Variants in TTC23 observed in about 807,000 individuals in gnomAD.
The protein encoded by TTC23 is tetratricopeptide repeat protein 23.
In TTC23, 58 loss-of-function variants were observed where a neutral mutation model predicts 55.1. The observed-to-expected ratio is 1.05, with a 90% CI of 0.85 to 1.31. The LOEUF (loss-of-function observed/expected upper bound fraction) is 1.31, where lower values mean the gene tolerates loss of function less well. Ranked by LOEUF, TTC23 falls within the 50% of genes most tolerant of loss-of-function variation. The pLI is 0.00. For missense variants in TTC23, 516 were observed against 534.4 expected, an observed-to-expected ratio of 0.97 and a Z score of 0.34; for synonymous variants, 203 against 199.9, an observed-to-expected ratio of 1.02 and a Z score of -0.13.
chr15:99,142,865 G>A lies in TTC23; in HGVS notation c.1144-3466C>T, dbSNP rs552601144. Among the ~76,000 whole-genome samples, 6 of 152,320 alleles carry A rather than the reference G, an allele frequency of 3.9e-5. No individual in the cohort carries two copies. The South Asian group carries it at 1.2e-3, about 32-fold the overall frequency. Reference sequence around the variant, plus strand: ...AGAGAAGAGTGGAGTTAGGAGAGAAGATTCTGGTTGGGTCAAGAGATCCTT... The same window carrying A: ...AGAGAAGAGTGGAGTTAGGAGAGAAAATTCTGGTTGGGTCAAGAGATCCTT... On this transcript the variant is annotated intron_variant, in intron 12 of 13. Transcript: ENST00000394132.
At chr15:99,174,732 T>A (rs1369683712) in intron 10 of TTC23, among the ~76,000 whole-genome samples, 1 of 151,566 alleles carries the variant, frequency 6.6e-6, no homozygotes, top group African/African-American at 2.4e-5. Context: ...TCTTTAAAAA[T>A]AGATCACCTT....
At position 99,218,853 on chromosome 15, in the gene TTC23, C is replaced by T. The variant is rs369938828; in HGVS notation, c.455+45G>A. The T allele has an allele frequency of 1.1e-5, 17 of 1,600,682 alleles. No homozygotes were observed. The African/African-American group carries it at 1.3e-4, about 13-fold the overall frequency. The stretch of plus-strand genomic sequence containing the variant: ...CTTTTTACTTGGCGTGTAAGTGTTA[C>T]GTGAATAGTATTTCTATTTGTAAAA... On this transcript the variant is annotated intron_variant, in intron 7 of 13. Coordinates refer to ENST00000394132, the MANE Select transcript of TTC23 (RefSeq NM_001288615.3).
chr15:99,186,688 A>G (rs1248947094), intron 9 of TTC23, among the ~76,000 whole-genome samples: 1 of 152,168 alleles, frequency 6.6e-6, no homozygotes, highest in Non-Finnish European at 1.5e-5. Flanking sequence ...GAAATTTTAA[A>G]AACTTCCATT....
chr15:99,232,871 A>C (rs2079038583), intron 4 of TTC23, among the ~76,000 whole-genome samples: 1 of 152,234 alleles, frequency 6.6e-6, no homozygotes, highest in South Asian at 2.1e-4. Context: ...AATGATCAAG[A>C]TACGGTGTTA....
chr15:99,198,497 A>C (rs2075929522), intron 9 of TTC23, among the ~76,000 whole-genome samples: 1 of 152,190 alleles, frequency 6.6e-6, no homozygotes, highest in Non-Finnish European at 1.5e-5. Flanking sequence ...AGCTTTGGCT[A>C]CCTCAATAGC....
intron 9 of TTC23, among the ~76,000 whole-genome samples, chr15:99,186,652 T>A (rs1045370632): frequency 6.6e-6 from 1 of 152,122 alleles, no homozygotes; most frequent in Non-Finnish European, 1.5e-5. Context: ...AAATCATATA[T>A]TTCTATACAT....
Position 99,138,114 on chromosome 15 carries a change from C to T in TTC23, c.1240G>A (p.Ala414Thr), listed in dbSNP as rs782068752. ...MGMLSTAPKV[A>T]SKPRQASKAK... ...TTTGATGCCTGCCTTGGCTTCGAAG[C>T]AACCTTGGGGGCCCTGCAGACAAGC... The change falls in exon 14 of 14, where the codon GCT becomes ACT. Residue 414 changes from alanine to threonine, a missense_variant. By Grantham distance (58) the Ala-to-Thr change is moderately conservative. Transcript: ENST00000394132. 45 of 1,612,628 alleles carry T rather than the reference C, an allele frequency of 2.8e-5. No homozygotes were observed. The highest frequency in any genetic ancestry group is 2.1e-4 in the African/African-American group (16 of 74,876).
chr15:99,244,778 C>A (rs1170481019), intron 2 of TTC23, among the ~76,000 whole-genome samples: 2 of 151,876 alleles, frequency 1.3e-5, no homozygotes, highest in Non-Finnish European at 2.9e-5. Flanking sequence ...ACAAGTTGAT[C>A]CTTATTATGG....
intron 2 of TTC23, among the ~76,000 whole-genome samples, 155 bp from the exon 3 acceptor site, chr15:99,241,714 G>A (rs1250429770): frequency 6.6e-6 from 1 of 152,204 alleles, no homozygotes; most frequent in Non-Finnish European, 1.5e-5. Context: ...TGCCAACTAG[G>A]CTGGAGCTCA....
chr15:99,239,330 C>T lies in TTC23; in HGVS notation c.-114+2035G>A, dbSNP rs1283617577. Among the ~76,000 whole-genome samples the T allele has an allele frequency of 2.6e-5, 4 of 151,922 alleles. No homozygotes were observed. In the South Asian group the frequency reaches 6.2e-4, roughly 24 times the overall value. On this transcript the variant is annotated intron_variant, in intron 3 of 13. Transcript: ENST00000394132. The stretch of plus-strand genomic sequence containing the variant: ...TGAAAACCCATCTCTACTAAAAATA[C>T]AAAAATTAGCCCAGTGTGGTGGCAT...
At chr15:99,174,506 G>A (rs927983205) in intron 10 of TTC23, among the ~76,000 whole-genome samples, 2 of 151,094 alleles carry the variant, frequency 1.3e-5, no homozygotes, top group African/African-American at 2.4e-5. Context: ...TTCTGCCAAC[G>A]GAGGCACATT....
At chr15:99,169,010 C>A (rs2072544604) in intron 10 of TTC23, among the ~76,000 whole-genome samples, 1 of 152,202 alleles carries the variant, frequency 6.6e-6, no homozygotes, top group African/African-American at 2.4e-5. Context: ...TCTAGGGTGA[C>A]TTCCAGAAGT....
At chr15:99,221,056 T>C (rs1055034440) in intron 6 of TTC23, among the ~76,000 whole-genome samples, 7 of 152,182 alleles carry the variant, frequency 4.6e-5, no homozygotes, top group Non-Finnish European at 1.0e-4. Flanking sequence ...TTGTTCCAAT[T>C]AGAACCCTTC....
intron 8 of TTC23, among the ~76,000 whole-genome samples, chr15:99,215,219 C>T (rs528998426): frequency 6.6e-6 from 1 of 152,072 alleles, no homozygotes; most frequent in African/African-American, 2.4e-5. Context: ...TCTTTGTAGA[C>T]TTCAGATATA....
intron 9 of TTC23, among the ~76,000 whole-genome samples, chr15:99,188,125 TGA>T (rs1297763183): frequency 2.0e-5 from 3 of 151,904 alleles, no homozygotes; most frequent in African/African-American, 4.8e-5. Context: ...GATAAAAAAA[TGA>T]GGTGAATCTG....
intron 12 of TTC23, among the ~76,000 whole-genome samples, chr15:99,149,933 C>T (rs2861371): frequency 0.095 from 14,454 of 152,226 alleles, 841 homozygotes; most frequent in East Asian, 0.28. Flanking sequence ...CATTTGCCAC[C>T]CCCCTCTATT....
intron 8 of TTC23, among the ~76,000 whole-genome samples, chr15:99,210,706 T>G (rs2076974922): frequency 6.6e-6 from 1 of 152,208 alleles, no homozygotes; most frequent in Non-Finnish European, 1.5e-5. Context: ...TTTTAAATGC[T>G]GAGTCCAGAA....
chr15:99,230,589 A>C (rs2152072868), intron 4 of TTC23, among the ~76,000 whole-genome samples: 1 of 152,302 alleles, frequency 6.6e-6, no homozygotes, highest in African/African-American at 2.4e-5. Flanking sequence ...AAACTATGAT[A>C]AAGCAAAAAT....
intron 6 of TTC23, among the ~76,000 whole-genome samples, chr15:99,221,293 G>A (rs148365373): frequency 6.6e-6 from 1 of 152,088 alleles, no homozygotes; most frequent in South Asian, 2.1e-4. Context: ...TTTTTCCCTT[G>A]AATTTTTAAG....
Sources: gnomAD v4.1 joint callset for allele counts (sites outside exome capture counted in the v4.1 genomes callset) on GRCh38, gnomAD v4.1.1 for gene constraint, MANE v1.5 for transcripts, NCBI Gene and HGNC (gene_info 2026-07-23, HGNC 2026-07-21) for gene names.